The following SH3D19 variants were observed in gnomAD, a reference collection of about 807,000 sequenced individuals.
The protein encoded by SH3D19 is SH3 domain containing 19, also known as SH3 domain-containing protein 19.
A neutral mutation model predicts 112.1 loss-of-function variants in SH3D19; 58 were observed. The ratio of observed to expected loss-of-function variants is 0.52; its 90% CI spans 0.42 to 0.64. SH3D19 has a LOEUF of 0.64. Ranked by LOEUF, SH3D19 falls within the 30% of genes least tolerant of loss-of-function variation. SH3D19 has a pLI of 0.00. For missense variants in SH3D19, 1,090 were observed against 1,263.4 expected (o/e 0.86, Z 2.08); for synonymous variants, 391 against 448.5 (o/e 0.87, Z 1.62).
intron 1 of SH3D19, among the ~76,000 whole-genome samples, chr4:151,295,388 A>G (rs1382383386): frequency 2.6e-5 from 4 of 152,206 alleles, no homozygotes; most frequent in African/African-American, 9.7e-5. Context: ...TGTATCCTGA[A>G]TATCAGTGAG....
intron 1 of SH3D19, among the ~76,000 whole-genome samples, chr4:151,265,537 C>T (rs1772710961): frequency 6.8e-6 from 1 of 147,460 alleles, no homozygotes; most frequent in African/African-American, 2.5e-5. Context: ...ATAGAATGAT[C>T]AATTAATCCT....
At chr4:151,189,614 C>T (rs1388522171) in intron 2 of SH3D19, among the ~76,000 whole-genome samples, 1 of 152,144 alleles carries the variant, frequency 6.6e-6, no homozygotes, top group East Asian at 1.9e-4. Flanking sequence ...TAAAAAGAGG[C>T]ATTCCCTTGC....
intron 10 of SH3D19, among the ~76,000 whole-genome samples, chr4:151,148,999 C>T (rs1277775127): frequency 1.3e-5 from 2 of 152,032 alleles, no homozygotes; most frequent in African/African-American, 2.4e-5. Context: ...GATCGCGCCA[C>T]TGTACTCCAG....
intron 1 of SH3D19, among the ~76,000 whole-genome samples, chr4:151,302,273 AC>A (rs1728499423): frequency 1.3e-5 from 2 of 152,238 alleles, no homozygotes; most frequent in Admixed American, 1.3e-4. Flanking sequence ...GCTACATCTC[AC>A]CAGTTGAATA....
At chr4:151,281,282 C>T (rs1774198655) in intron 1 of SH3D19, among the ~76,000 whole-genome samples, 1 of 152,116 alleles carries the variant, frequency 6.6e-6, no homozygotes, top group Non-Finnish European at 1.5e-5. Context: ...AAACAAAAAA[C>T]CAAAGTGAGC....
chr4:151,237,635 A>G (rs1252305955), intron 1 of SH3D19, among the ~76,000 whole-genome samples: 1 of 152,200 alleles, frequency 6.6e-6, no homozygotes, highest in Non-Finnish European at 1.5e-5. Flanking sequence ...AGCAATACTC[A>G]TCTCATCAAA....
At chr4:151,300,606 A>T (rs1370999289) in intron 1 of SH3D19, 5 of 146,442 alleles carry the variant, frequency 3.4e-5, no homozygotes, top group Non-Finnish European at 7.6e-5. Flanking sequence ...CAAGCATTCC[A>T]TTTTTTTTTT....
At chr4:151,132,991 T>A in intron 16 of SH3D19, 43 bp downstream of exon 16, 1 of 1,486,848 alleles carries the variant, frequency 6.7e-7, no homozygotes, top group Non-Finnish European at 9.2e-7. Context: ...TTGGTTTATT[T>A]GAATTAGGAC....
chr4:151,291,781 C>A (rs1329759652), intron 1 of SH3D19, among the ~76,000 whole-genome samples: 1 of 152,158 alleles, frequency 6.6e-6, no homozygotes, highest in African/African-American at 2.4e-5. Context: ...TGTGATGACA[C>A]AGGAAAATAT....
intron 2 of SH3D19, 63 bp from the exon 3 acceptor site, chr4:151,187,526 A>C: frequency 1.0e-6 from 1 of 982,402 alleles, no homozygotes; most frequent in Non-Finnish European, 1.3e-6. Flanking sequence ...GCCATTCATA[A>C]GGCCAAGTCA....
At chr4:151,163,676 G>A (rs941321097) in intron 8 of SH3D19, among the ~76,000 whole-genome samples, 3 of 151,872 alleles carry the variant, frequency 2.0e-5, no homozygotes, top group African/African-American at 7.3e-5. Flanking sequence ...CACCTCCTGG[G>A]TTCAAGCAAT....
intron 1 of SH3D19, among the ~76,000 whole-genome samples, chr4:151,231,382 T>C (rs996303264): frequency 2.6e-5 from 4 of 152,156 alleles, no homozygotes; most frequent in Non-Finnish European, 5.9e-5. Flanking sequence ...ACTTCAAGCA[T>C]ATATATACAT....
chr4:151,147,773 A>G lies in SH3D19; in HGVS notation c.2082+149T>C, dbSNP rs1754187445. On this transcript the variant is annotated intron_variant, in intron 11 of 19. Transcript: ENST00000604030. ...CCACTGTGCCCAACCAAGACCTAGA[A>G]TTTATTATGGCCTACTCATCTAAAG... The G allele has an allele frequency of 6.0e-6, 6 of 1,004,090 alleles. No homozygotes were observed. The South Asian group carries it at 1.2e-4, about 19-fold the overall frequency. The allele number at this position is 1,004,090 out of a possible 1,614,324, so 62.2% of individuals were successfully genotyped here.
intron 2 of SH3D19, among the ~76,000 whole-genome samples, chr4:151,204,196 C>T (rs1366914555): frequency 2.0e-5 from 3 of 152,116 alleles, no homozygotes; most frequent in Admixed American, 6.6e-5. Flanking sequence ...CACTGAGTGA[C>T]AGTATTGTTA....
intron 1 of SH3D19, among the ~76,000 whole-genome samples, chr4:151,242,242 G>C (rs1483576662): frequency 2.0e-5 from 3 of 152,144 alleles, no homozygotes; most frequent in African/African-American, 7.2e-5. Flanking sequence ...GTGGATTTCT[G>C]GTTCTTTATG....
intron 10 of SH3D19, among the ~76,000 whole-genome samples, chr4:151,148,757 C>T (rs11099784): frequency 0.019 from 2,920 of 152,108 alleles, 92 homozygotes; most frequent in African/African-American, 0.066. Flanking sequence ...AAATAATTTT[C>T]GGCTGGGAGT....
chr4:151,168,942 G>C (rs1758569551), intron 7 of SH3D19, among the ~76,000 whole-genome samples: 2 of 151,580 alleles, frequency 1.3e-5, no homozygotes, highest in South Asian at 4.1e-4. Flanking sequence ...GGCATGGATG[G>C]GGGTAGGGGC....
intron 2 of SH3D19, among the ~76,000 whole-genome samples, chr4:151,204,327 G>T (rs1764805085): frequency 6.6e-6 from 1 of 152,194 alleles, no homozygotes; most frequent in African/African-American, 2.4e-5. Context: ...TACAAAGACA[G>T]AATATTTGGG....
intron 18 of SH3D19, among the ~76,000 whole-genome samples, chr4:151,127,931 G>A (rs193118026): frequency 0.015 from 2,331 of 152,212 alleles, 34 homozygotes; most frequent in Non-Finnish European, 0.025. Flanking sequence ...TTTTAGCAGG[G>A]AAAAATTACG....
Sources: gnomAD v4.1 joint callset for allele counts (sites outside exome capture counted in the v4.1 genomes callset) on GRCh38, gnomAD v4.1.1 for gene constraint, MANE v1.5 for transcripts, NCBI Gene and HGNC (gene_info 2026-07-23, HGNC 2026-07-21) for gene names.